The following WDR27 variants were observed in gnomAD, a reference collection of about 807,000 sequenced individuals.
WDR27 encodes the protein WD repeat domain 27.
In WDR27, 100 loss-of-function variants were observed where a neutral mutation model predicts 114.4. The observed-to-expected ratio is 0.87, with a 90% confidence interval of 0.74 to 1.03. The LOEUF (loss-of-function observed/expected upper bound fraction) is 1.03. WDR27 is among the 50% of genes least tolerant of loss of function. The probability of loss-of-function intolerance (pLI) is 0.00; values close to 1 mark genes in which losing one functional copy is unlikely to be tolerated. For synonymous variants in WDR27, 449 were observed against 423.1 expected (o/e 1.06, Z -0.75); for missense variants, 1,129 against 1,092.9 (o/e 1.03, Z -0.47).
At chr6:169,671,278 G>A (rs1778680483) in intron 3 of WDR27, 1 of 152,428 alleles carries the variant, frequency 6.6e-6, no homozygotes, top group South Asian at 2.1e-4. Context: ...CCAGCAAAAT[G>A]CAGATATACT....
intron 21 of WDR27, among the ~76,000 whole-genome samples, chr6:169,614,557 G>A (rs1452956743): frequency 6.6e-6 from 1 of 151,926 alleles, no homozygotes; most frequent in Non-Finnish European, 1.5e-5. Flanking sequence ...GTGTGGTGGT[G>A]TGTGCCTGTA....
intron 16 of WDR27, among the ~76,000 whole-genome samples, chr6:169,647,387 C>T (rs1821039210): frequency 6.6e-6 from 1 of 152,186 alleles, no homozygotes; most frequent in African/African-American, 2.4e-5. Context: ...GAGCAGAGGC[C>T]GCGTCTCCAG....
At chr6:169,494,491 T>C (rs1300438463) in intron 25 of WDR27, among the ~76,000 whole-genome samples, 1 of 152,164 alleles carries the variant, frequency 6.6e-6, no homozygotes, top group Non-Finnish European at 1.5e-5. Flanking sequence ...GAGCAATGCA[T>C]TGCACTATGA....
At chr6:169,629,879 A>C (rs1815871967) in intron 21 of WDR27, among the ~76,000 whole-genome samples, 1 of 150,138 alleles carries the variant, frequency 6.7e-6, no homozygotes, top group Non-Finnish European at 1.5e-5. Context: ...GTGAGCCGAG[A>C]TCACGCAACT....
At chr6:169,675,773 G>A (rs1779927310) in intron 2 of WDR27, among the ~76,000 whole-genome samples, 1 of 148,120 alleles carries the variant, frequency 6.8e-6, no homozygotes, top group Non-Finnish European at 1.5e-5. Context: ...TTGTGCAGAG[G>A]AAGCTCTCAG....
chr6:169,644,602 T>C (rs1452376120), intron 16 of WDR27, among the ~76,000 whole-genome samples: 2 of 150,208 alleles, frequency 1.3e-5, no homozygotes. Context: ...TGGAAAACCC[T>C]AGTTCACAGG....
intron 13 of WDR27, among the ~76,000 whole-genome samples, chr6:169,654,708 GCGCAC>G (rs1562828405): frequency 6.7e-6 from 1 of 150,232 alleles, no homozygotes; most frequent in African/African-American, 2.5e-5. Context: ...AGGAGGAGGC[GCGCAC>G]AGGAGAAGGA....
At chr6:169,691,066 T>A (rs1784382974) in intron 1 of WDR27, among the ~76,000 whole-genome samples, 1 of 151,972 alleles carries the variant, frequency 6.6e-6, no homozygotes, top group Non-Finnish European at 1.5e-5. Flanking sequence ...ATACAAAAAA[T>A]TAGCAGGGTG....
At chr6:169,544,714 T>C (rs1277205639) in intron 25 of WDR27, among the ~76,000 whole-genome samples, 1 of 152,172 alleles carries the variant, frequency 6.6e-6, no homozygotes, top group Non-Finnish European at 1.5e-5. Context: ...GGATTACAGG[T>C]GTGAGCCACT....
rs558494398 is a variant in WDR27, at chr6:169,652,513, CTGGGA to C, written c.1403-510_1403-506del. ...CCACCTGCCGCAGCCTCCCAAAATG[CTGGGA>C]TTACAGGCGTGAGCCACTATGCCCG... On this transcript the variant is annotated intron_variant, in intron 13 of 25. Transcript: ENST00000448612. Among the ~76,000 whole-genome samples the C allele has an allele frequency of 2.0e-3, 299 of 152,374 alleles. 1 individual carries two copies. Among genetic ancestry groups the C allele is most frequent in the African/African-American group, 6.6e-3 (275 of 41,590 alleles).
chr6:169,692,755 T>A (rs577321349), intron 1 of WDR27, among the ~76,000 whole-genome samples: 181 of 152,030 alleles, frequency 1.2e-3, no homozygotes, highest in South Asian at 4.6e-3. Context: ...CACTCCCACG[T>A]CTCCCACAGC....
intron 25 of WDR27, among the ~76,000 whole-genome samples, chr6:169,495,735 C>T (rs982717512): frequency 6.6e-6 from 1 of 152,028 alleles, no homozygotes; most frequent in African/African-American, 2.4e-5. Context: ...TAAAATAGCA[C>T]ATCTGAATAC....
chr6:169,570,217 G>T (rs1022360776), intron 25 of WDR27, among the ~76,000 whole-genome samples: 1 of 152,214 alleles, frequency 6.6e-6, no homozygotes, highest in Non-Finnish European at 1.5e-5. Flanking sequence ...GGGTTGGGGG[G>T]TGGTTTAGTC....
chr6:169,599,035 C>T (rs1036295299), intron 23 of WDR27, among the ~76,000 whole-genome samples: 3 of 152,012 alleles, frequency 2.0e-5, no homozygotes, highest in Non-Finnish European at 2.9e-5. Context: ...ATGTGCACAA[C>T]GTGCAGGTTT....
At chr6:169,530,337 T>A (rs750876820) in intron 25 of WDR27, among the ~76,000 whole-genome samples, 7 of 152,220 alleles carry the variant, frequency 4.6e-5, no homozygotes, top group Non-Finnish European at 7.3e-5. Context: ...GAAACCCCCA[T>A]GACCTTTCAA....
At chr6:169,567,951 C>T (rs558768968) in intron 25 of WDR27, among the ~76,000 whole-genome samples, 1 of 152,318 alleles carries the variant, frequency 6.6e-6, no homozygotes, top group Admixed American at 6.5e-5. Flanking sequence ...GGAGGAAGGG[C>T]CGCCAGCTCC....
chr6:169,516,222 G>C (rs1331073592), intron 25 of WDR27, among the ~76,000 whole-genome samples: 2 of 152,180 alleles, frequency 1.3e-5, no homozygotes, highest in Admixed American at 1.3e-4. Flanking sequence ...ATCTGCTGTA[G>C]TAAGAAATAA....
the WDR27 span, among the ~76,000 whole-genome samples, chr6:169,444,859 G>A: frequency 6.6e-6 from 1 of 152,078 alleles, no homozygotes; most frequent in Non-Finnish European, 1.5e-5. Context: ...CCCAATCCTG[G>A]GCTGCCCTTT....
chr6:169,578,407 G>A (rs1802809500), intron 24 of WDR27, among the ~76,000 whole-genome samples: 1 of 152,136 alleles, frequency 6.6e-6, no homozygotes. Flanking sequence ...CCTAGGTTTT[G>A]GATGAATGGC....
Sources: allele counts gnomAD v4.1 joint callset (sites outside exome capture counted in the v4.1 genomes callset), GRCh38; gene constraint gnomAD v4.1.1; transcripts MANE v1.5; gene names NCBI Gene and HGNC (gene_info 2026-07-23, HGNC 2026-07-21).